The following DPH5 variants were observed in gnomAD, a reference collection of about 807,000 sequenced individuals.
DPH5 encodes diphthine methyl ester synthase.
A neutral mutation model predicts 31.6 loss-of-function variants in DPH5; 31 were observed. The observed-to-expected ratio is 0.98, with a 90% confidence interval of 0.74 to 1.32. DPH5 has a LOEUF of 1.32. DPH5 is among the 40% of genes most tolerant of loss of function. The probability of loss-of-function intolerance (pLI) is 0.00; values close to 1 mark genes in which losing one functional copy is unlikely to be tolerated. For synonymous variants in DPH5, 120 were observed against 115.0 expected (o/e 1.04, Z -0.28); for missense variants, 309 against 335.7 (o/e 0.92, Z 0.62).
intron 5 of DPH5, 103 bp from the exon 6 acceptor site, chr1:100,995,252 C>T: frequency 3.0e-6 from 2 of 657,038 alleles, no homozygotes; most frequent in Non-Finnish European, 5.3e-6. Flanking sequence ...GGGAAACACT[C>T]TTCCCTCACA....
chr1:101,012,872 T>C (rs762794385), intron 4 of DPH5, among the ~76,000 whole-genome samples: 5 of 152,228 alleles, frequency 3.3e-5, no homozygotes, highest in Non-Finnish European at 7.3e-5. Context: ...TATAGTCCTC[T>C]AAAGCTACAG....
At chr1:100,991,822 C>T (rs574121304) in intron 7 of DPH5, among the ~76,000 whole-genome samples, 2 of 147,830 alleles carry the variant, frequency 1.4e-5, no homozygotes, top group South Asian at 4.3e-4. Flanking sequence ...GTGGGCCAGG[C>T]GTGGTGGTTC....
At chr1:101,005,655 G>A (rs1444328155) in intron 4 of DPH5, among the ~76,000 whole-genome samples, 1 of 152,018 alleles carries the variant, frequency 6.6e-6, no homozygotes, top group African/African-American at 2.4e-5. Flanking sequence ...AGACAAGATC[G>A]AACTCCAGGG....
chr1:101,001,344 G>A, intron 5 of DPH5, 123 bp downstream of exon 5: 1 of 920,826 alleles, frequency 1.1e-6, no homozygotes, highest in South Asian at 1.9e-5. Context: ...GGTCTGCATA[G>A]AATGGCTAGA....
chr1:101,011,836 CTT>C (rs1300249584), intron 4 of DPH5, among the ~76,000 whole-genome samples: 11 of 146,786 alleles, frequency 7.5e-5, no homozygotes, highest in Non-Finnish European at 1.5e-4. Context: ...GTTTACATAT[CTT>C]TATTTATCAA....
In DPH5 at chr1:100,990,610, C is replaced by T; in HGVS notation, c.656G>A (p.Cys219Tyr). ...EEPAVTEETLCVGLARVGADD... is the reference protein window; with the variant it reads ...EEPAVTEETLYVGLARVGADD... ...GGCTCCAACCCTGGCTAAGCCAACA[C>T]AAAGTGTCTCCTCGGTAACTGCTAT... The change falls in exon 8 of 8, where the codon TGT becomes TAT. Residue 219 changes from cysteine to tyrosine, a missense_variant. By Grantham distance (194) the Cys-to-Tyr change is radical. Transcript: ENST00000370109. 2.5e-6 allele frequency: 4 copies of T among 1,614,024 alleles called. No homozygotes were observed. Among genetic ancestry groups the T allele is most frequent in the South Asian group, 1.1e-5 (1 of 91,082 alleles).
chr1:100,990,306 T>G lies in DPH5; in HGVS notation c.*102A>C. On this transcript the variant is annotated 3_prime_UTR_variant, in exon 8 of 8. Coordinates refer to ENST00000370109, the MANE Select transcript of DPH5 (RefSeq NM_015958.3). ...TACCTACCACAACACCTGGGAATTA[T>G]GAGGATTAAAATTCAAGATGAGACT... 7.4e-6 allele frequency: 8 copies of G among 1,074,780 alleles called. No individual in the cohort carries two copies. The highest frequency in any genetic ancestry group is 1.1e-5 in the Non-Finnish European group (8 of 723,068). 66.6% of individuals were successfully genotyped at this position (1,074,780 alleles called of 1,614,324 possible). A position where few individuals can be genotyped will look rare whatever the true frequency, so the allele number is the denominator to read the frequency against.
chr1:100,997,539 G>T (rs533175822), intron 5 of DPH5, among the ~76,000 whole-genome samples: 19 of 152,016 alleles, frequency 1.2e-4, no homozygotes, highest in African/African-American at 4.3e-4. Context: ...CTAATTTTTT[G>T]TATTTTTAGT....
chr1:100,991,714 G>A (rs775738542), intron 7 of DPH5, among the ~76,000 whole-genome samples: 1 of 148,538 alleles, frequency 6.7e-6, no homozygotes, highest in African/African-American at 2.5e-5. Context: ...GCTTGAGCCC[G>A]GGAGGCAGAG....
intron 6 of DPH5, among the ~76,000 whole-genome samples, chr1:100,994,834 C>T (rs1658188757): frequency 6.6e-6 from 1 of 152,128 alleles, no homozygotes. Context: ...GCCTCACACC[C>T]ATGTTTTCAG....
At chr1:101,002,629 T>C (rs1297815298) in intron 4 of DPH5, among the ~76,000 whole-genome samples, 1 of 152,216 alleles carries the variant, frequency 6.6e-6, no homozygotes, top group Non-Finnish European at 1.5e-5. Context: ...ATAATAGAAC[T>C]GGTAAGCACT....
intron 4 of DPH5, among the ~76,000 whole-genome samples, chr1:101,004,941 T>C (rs1297823491): frequency 3.3e-5 from 5 of 152,204 alleles, no homozygotes; most frequent in Non-Finnish European, 7.4e-5. Context: ...TCTCTAAACA[T>C]ATATCTAATT....
At chr1:101,020,575 A>G (rs1660374416) in intron 3 of DPH5, among the ~76,000 whole-genome samples, 1 of 151,264 alleles carries the variant, frequency 6.6e-6, no homozygotes, top group Non-Finnish European at 1.5e-5. Context: ...TTCAAAAGCC[A>G]TTTATCTAGG....
intron 4 of DPH5, among the ~76,000 whole-genome samples, chr1:101,012,978 A>G (rs1659808246): frequency 6.6e-6 from 1 of 152,324 alleles, no homozygotes; most frequent in Non-Finnish European, 1.5e-5. Context: ...TACTTATTTC[A>G]CAGCTTCTAA....
chr1:100,995,251 T>C, intron 5 of DPH5, 102 bp from the exon 6 acceptor site: 1 of 666,178 alleles, frequency 1.5e-6, no homozygotes, highest in Non-Finnish European at 2.6e-6. Flanking sequence ...GGGGAAACAC[T>C]CTTCCCTCAC....
intron 4 of DPH5, among the ~76,000 whole-genome samples, chr1:101,004,996 A>G (rs1343919971): frequency 3.9e-5 from 6 of 152,110 alleles, no homozygotes; most frequent in Non-Finnish European, 8.8e-5. Flanking sequence ...TCTGCTGTAT[A>G]TTTTATGTAG....
Position 101,012,718 on chromosome 1 carries a change from T to C in DPH5, c.369+992A>G, listed in dbSNP as rs572893465. Among the ~76,000 whole-genome samples, 4 of 152,306 alleles carry C rather than the reference T, an allele frequency of 2.6e-5. No individual in the cohort carries two copies. In the East Asian group the frequency reaches 7.7e-4, roughly 29 times the overall value. On this transcript the variant is annotated intron_variant, in intron 4 of 7. Transcript: ENST00000370109. The stretch of plus-strand genomic sequence containing the variant: ...TCCATGCTAATTTAAACATAACAAC[T>C]AAGAGCAAGTGGTGAATACTGTCAG...
chr1:101,006,592 C>T (rs1026403198), intron 4 of DPH5, among the ~76,000 whole-genome samples: 1 of 152,166 alleles, frequency 6.6e-6, no homozygotes, highest in Middle Eastern at 3.4e-3. Flanking sequence ...AACACTAAAA[C>T]TAGGTGTTCT....
At chr1:100,997,394 C>T (rs1202650975) in intron 5 of DPH5, among the ~76,000 whole-genome samples, 1 of 151,698 alleles carries the variant, frequency 6.6e-6, no homozygotes, top group Non-Finnish European at 1.5e-5. Context: ...GAGAAGGAGT[C>T]TCGCTCTGTG....
Sources: allele counts gnomAD v4.1 joint callset (sites outside exome capture counted in the v4.1 genomes callset), GRCh38; gene constraint gnomAD v4.1.1; transcripts MANE v1.5; gene names NCBI Gene and HGNC (gene_info 2026-07-23, HGNC 2026-07-21).